Variants in HAPLN3 observed in about 807,000 individuals in gnomAD.
The protein encoded by HAPLN3 is extracellular link domain containing, 1.
HAPLN3 carries 28 observed loss-of-function variants against 28.1 expected under a neutral mutation model. The ratio of observed to expected loss-of-function variants is 1.00; its 90% CI spans 0.74 to 1.37. HAPLN3 has a LOEUF of 1.37. Among genes scored for constraint, HAPLN3 ranks in the 40% most tolerant of loss-of-function variants. The probability of loss-of-function intolerance (pLI) is 0.00; values close to 1 mark genes in which losing one functional copy is unlikely to be tolerated. For missense variants in HAPLN3, 513 were observed against 504.6 expected (o/e 1.02, Z -0.16); for synonymous variants, 211 against 213.1 (o/e 0.99, Z 0.09).
chr15:88,892,911 C>A, intron 1 of HAPLN3: 1 of 1,518,808 alleles, frequency 6.6e-7, no homozygotes, highest in South Asian at 1.2e-5. Flanking sequence ...GCCACCAACT[C>A]CTCAGGACCA....
At position 88,877,820 on chromosome 15, in the gene HAPLN3, G is replaced by T; in HGVS notation, c.*150C>A. 1 of 799,552 alleles carries T rather than the reference G, an allele frequency of 1.3e-6. No individual in the cohort carries two copies. The highest frequency in any genetic ancestry group is 1.9e-6 in the Non-Finnish European group (1 of 521,778). 49.5% of individuals were successfully genotyped at this position (799,552 alleles called of 1,614,324 possible). A position where few individuals can be genotyped will look rare whatever the true frequency, so the allele number is the denominator to read the frequency against. On this transcript the variant is annotated 3_prime_UTR_variant, in exon 5 of 5. Transcript: ENST00000359595. This position sits in a 1 kb window ranked among gnomAD's most constrained non-coding sequence, Gnocchi z 5.1. ...CAAAGGGAGGCATTGGGTTCTGTTT[G>T]CTTTACAAAAAATAGTAAAAAAATG...
intron 2 of HAPLN3, among the ~76,000 whole-genome samples, chr15:88,885,371 G>T (rs1205685647): frequency 1.3e-5 from 2 of 152,054 alleles, no homozygotes; most frequent in African/African-American, 4.8e-5. Flanking sequence ...CTCCTCCCAG[G>T]TTCAAGCAAT....
chr15:88,884,432 C>T lies in HAPLN3; in HGVS notation c.125-2707G>A, dbSNP rs528262648. On this transcript the variant is annotated intron_variant, in intron 2 of 4. Coordinates refer to ENST00000359595, the MANE Select transcript of HAPLN3 (RefSeq NM_178232.4). Reference sequence around the variant, plus strand: ...ACAAAAAATTAGCCAGGCATGGTGTCGGATGCCTGTAGTCCCAGCTACTCG... The same window carrying T: ...ACAAAAAATTAGCCAGGCATGGTGTTGGATGCCTGTAGTCCCAGCTACTCG... Among the ~76,000 whole-genome samples the T allele has an allele frequency of 1.8e-4, 27 of 152,086 alleles. 1 individual carries two copies. Among genetic ancestry groups the T allele is most frequent in the African/African-American group, 6.0e-4 (25 of 41,490 alleles).
rs906402964 is a variant in HAPLN3, at chr15:88,894,102, C to A, written c.-48+1357G>T. On this transcript the variant is annotated intron_variant, in intron 1 of 4. Coordinates refer to ENST00000359595, the MANE Select transcript of HAPLN3 (RefSeq NM_178232.4). ...CCTGTTACTACTCTGGTGAGCAGTT[C>A]ACACAGTGAAGTCTTACACCATCTC... Among the ~76,000 whole-genome samples, 6 of 152,258 alleles carry A rather than the reference C, an allele frequency of 3.9e-5. No homozygotes were observed. In the South Asian group the frequency reaches 8.3e-4, roughly 21 times the overall value.
At position 88,881,535 on chromosome 15, in the gene HAPLN3, G is replaced by A. The variant is rs201583511; in HGVS notation, c.315C>T (p.Ile105=). 28 of 1,614,082 alleles carry A rather than the reference G, an allele frequency of 1.7e-5. No individual in the cohort carries two copies. Among genetic ancestry groups the A allele is most frequent in the East Asian group, 2.2e-5 (1 of 44,882 alleles). ...GAPEKDVLVA[I]GLRHRSFGDY... Reference sequence around the variant, plus strand: ...CCCCAAAGGAGCGGTGCCTCAGCCCGATGGCCACCAGCACGTCCTTCTCTG... The same window carrying A: ...CCCCAAAGGAGCGGTGCCTCAGCCCAATGGCCACCAGCACGTCCTTCTCTG... The change falls in exon 3 of 5, where the codon ATC becomes ATT. Residue 105 remains isoleucine, a synonymous_variant. Transcript: ENST00000359595. The surrounding 1 kb of genome is among the most constrained non-coding windows in gnomAD (Gnocchi z 6.0).
In HAPLN3 at chr15:88,884,198, ATGT is replaced by A. The variant is rs1464301879; in HGVS notation, c.125-2476_125-2474del. ...GACAAAAGGGAAAGACAAAAATGAA[ATGT>A]TGGCCTGGTAGTGTAGTGAAACTAT... On this transcript the variant is annotated intron_variant, in intron 2 of 4. Transcript: ENST00000359595. Among the ~76,000 whole-genome samples the A allele has an allele frequency of 2.6e-5, 4 of 152,318 alleles. No homozygotes were observed. In the East Asian group the frequency reaches 7.7e-4, roughly 29 times the overall value.
chr15:88,878,314 G>A (rs1033543313), intron 4 of HAPLN3, 58 bp from the exon 5 acceptor site: 39 of 1,497,382 alleles, frequency 2.6e-5, no homozygotes, highest in Admixed American at 1.7e-4. Context: ...AGAGCACAGC[G>A]GGGTCTGCAG....
Position 88,881,694 on chromosome 15 carries a change from C to T in HAPLN3, c.156G>A (p.Glu52=). The part of the protein sequence containing the change: ...DLLNGVKLVV[E]TPEETLFTYQ... ...AGGTGAACAGGGTCTCCTCGGGTGT[C>T]TCCACCACCAGCTTCACTCCATTAA... The change falls in exon 3 of 5, where the codon GAG becomes GAA. Residue 52 remains glutamate (E), a synonymous_variant. Transcript: ENST00000359595. The surrounding 1 kb of genome is among the most constrained non-coding windows in gnomAD (Gnocchi z 6.0). 6.2e-7 allele frequency: 1 copy of T among 1,613,278 alleles called. No homozygotes were observed.
At chr15:88,884,057 A>G (rs1897778773) in intron 2 of HAPLN3, among the ~76,000 whole-genome samples, 1 of 150,574 alleles carries the variant, frequency 6.6e-6, no homozygotes, top group African/African-American at 2.4e-5. Flanking sequence ...GGTGTGACAG[A>G]GTGAGACCCT....
At position 88,879,312 on chromosome 15, in the gene HAPLN3, C is replaced by T. The variant is rs1382946586; in HGVS notation, c.494-43G>A. ...AGGAGCTTAGGGGGTGGCCAGGGGC[C>T]CAGCTGGCTGGACACCCCGCTCTCC... is the stretch of plus-strand genomic sequence containing the variant. On this transcript the variant is annotated intron_variant, in intron 3 of 4. Coordinates refer to ENST00000359595, the MANE Select transcript of HAPLN3 (RefSeq NM_178232.4). This position sits in a 1 kb window ranked among gnomAD's most constrained non-coding sequence, Gnocchi z 5.0. 6.2e-7 allele frequency: 1 copy of T among 1,601,604 alleles called. No homozygotes were observed. The highest frequency in any genetic ancestry group is 1.3e-5 in the African/African-American group (1 of 75,026).
At chr15:88,892,009 G>A (rs973830869) in intron 1 of HAPLN3, among the ~76,000 whole-genome samples, 17 of 152,136 alleles carry the variant, frequency 1.1e-4, no homozygotes, top group African/African-American at 4.1e-4. Flanking sequence ...CTCTTACAGC[G>A]GCTCATCTAG....
At chr15:88,878,329 G>T (rs754876574) in intron 4 of HAPLN3, 73 bp from the exon 5 acceptor site, 535 of 1,408,574 alleles carry the variant, frequency 3.8e-4, no homozygotes, top group Non-Finnish European at 4.3e-4. Flanking sequence ...CTGCAGAGAT[G>T]CCAGCCCCAA....
At chr15:88,882,320 T>C (rs1001002745) in intron 2 of HAPLN3, among the ~76,000 whole-genome samples, 3 of 152,172 alleles carry the variant, frequency 2.0e-5, no homozygotes, top group Admixed American at 6.5e-5. Context: ...GGTGGTTTGC[T>C]ATGCATAAAA....
Position 88,879,160 on chromosome 15 carries a change from G to T in HAPLN3, c.603C>A (p.Leu201=), listed in dbSNP as rs776832988. The change falls in exon 4 of 5, where the codon CTC becomes CTA. Residue 201 remains leucine, a synonymous_variant. Coordinates refer to ENST00000359595, the MANE Select transcript of HAPLN3 (RefSeq NM_178232.4). The surrounding 1 kb of genome is among the most constrained non-coding windows in gnomAD (Gnocchi z 5.0). ...CCAGGCCCTCCTCCCAGGCCCGGAA[G>T]AGCTGCTCAAAGGAGGCCACCACCG... ...QAAVVASFEQ[L]FRAWEEGLDW... 85 of 1,613,772 alleles carry T rather than the reference G, an allele frequency of 5.3e-5. No individual in the cohort carries two copies. The highest frequency in any genetic ancestry group is 6.4e-5 in the Non-Finnish European group (76 of 1,180,008).
chr15:88,886,282 C>T (rs1354045554), intron 2 of HAPLN3, among the ~76,000 whole-genome samples: 1 of 147,566 alleles, frequency 6.8e-6, no homozygotes, highest in Non-Finnish European at 1.5e-5. Context: ...ACCTGGGAGG[C>T]AGAGGCTGCA....
rs992063027 is a variant in HAPLN3 at position 88,881,746 on chromosome 15, C to T, written c.125-21G>A. ...GAGGTCTTGGGGGAGAGACAGGGTG[C>T]AGATGAGACCTGCTGAAGCACATCT... On this transcript the variant is annotated intron_variant, in intron 2 of 4. Coordinates refer to ENST00000359595, the MANE Select transcript of HAPLN3 (RefSeq NM_178232.4). This position sits in a 1 kb window ranked among gnomAD's most constrained non-coding sequence, Gnocchi z 6.0. 7.5e-6 allele frequency: 12 copies of T among 1,590,084 alleles called. No individual in the cohort carries two copies. The highest frequency in any genetic ancestry group is 5.4e-5 in the African/African-American group (4 of 74,534).
At chr15:88,884,823 G>A (rs1897802261) in intron 2 of HAPLN3, among the ~76,000 whole-genome samples, 1 of 151,586 alleles carries the variant, frequency 6.6e-6, no homozygotes, top group Non-Finnish European at 1.5e-5. Flanking sequence ...AAGAGGAGAA[G>A]ACCACGTGAC....
At chr15:88,887,535 G>A (rs1897897922) in intron 1 of HAPLN3, among the ~76,000 whole-genome samples, 190 bp from the exon 2 acceptor site, 1 of 152,230 alleles carries the variant, frequency 6.6e-6, no homozygotes, top group African/African-American at 2.4e-5. Flanking sequence ...TGCTTTCAGG[G>A]AGCTGTACCC....
intron 2 of HAPLN3, among the ~76,000 whole-genome samples, chr15:88,884,366 C>A (rs1312434752): frequency 6.6e-6 from 1 of 152,108 alleles, no homozygotes; most frequent in Non-Finnish European, 1.5e-5. Flanking sequence ...AGATCGAGAC[C>A]ATCCTGGCTA....
Sources: gnomAD v4.1 joint callset for allele counts (sites outside exome capture counted in the v4.1 genomes callset) on GRCh38, gnomAD v4.1.1 for gene constraint, Gnocchi (gnomAD v3.1) non-coding constraint, MANE v1.5 for transcripts, NCBI Gene and HGNC (gene_info 2026-07-23, HGNC 2026-07-21) for gene names.